AIDA: variants seen among roughly 807,000 people sequenced by gnomAD.
AIDA encodes the protein axin interactor, dorsalization-associated protein.
AIDA carries 18 observed loss-of-function variants against 42.7 expected under a neutral mutation model. That is an observed-to-expected ratio of 0.42 (90% confidence interval 0.29 to 0.63). The LOEUF is 0.63. Among genes scored for constraint, AIDA ranks in the 20% least tolerant of loss-of-function variants. The pLI is 0.19. For missense variants in AIDA, 250 were observed against 354.1 expected (o/e 0.71, Z 2.36); for synonymous variants, 104 against 122.9 (o/e 0.85, Z 1.02).
chr1:222,708,197 G>A (rs377420503), intron 1 of AIDA, among the ~76,000 whole-genome samples: 1 of 151,732 alleles, frequency 6.6e-6, no homozygotes, highest in East Asian at 2.0e-4. Flanking sequence ...TGTAGTCCCA[G>A]CTACTCAGGA....
At chr1:222,697,868 G>T (rs746157852) in intron 2 of AIDA, among the ~76,000 whole-genome samples, 21 of 152,214 alleles carry the variant, frequency 1.4e-4, no homozygotes, top group Non-Finnish European at 2.5e-4. Flanking sequence ...AGGGGGAAGA[G>T]ATGAGGGTAA....
chr1:222,680,482 A>G (rs1664634289), intron 6 of AIDA, among the ~76,000 whole-genome samples: 1 of 152,228 alleles, frequency 6.6e-6, no homozygotes, highest in Admixed American at 6.5e-5. Flanking sequence ...CTAAGCATAG[A>G]GACAATTCTC....
intron 6 of AIDA, among the ~76,000 whole-genome samples, chr1:222,676,825 T>C (rs1571924815): frequency 6.6e-6 from 1 of 151,596 alleles, no homozygotes; most frequent in African/African-American, 2.4e-5. Flanking sequence ...ACTATTGATA[T>C]AGGAAATAAT....
At chr1:222,694,076 A>C (rs1057108676) in intron 3 of AIDA, 134 bp downstream of exon 3, 4 of 894,768 alleles carry the variant, frequency 4.5e-6, no homozygotes, top group Non-Finnish European at 6.8e-6. Flanking sequence ...GAACTAAAAA[A>C]GTATGAATTT....
At chr1:222,708,988 C>T (rs1411961530) in intron 1 of AIDA, among the ~76,000 whole-genome samples, 1 of 152,096 alleles carries the variant, frequency 6.6e-6, no homozygotes, top group African/African-American at 2.4e-5. Context: ...GTGTGGATAG[C>T]CTAGTACTAC....
rs1655442753 is a variant in AIDA at position 222,693,844 on chromosome 1, C to T, written c.235-1G>A. 6.2e-7 allele frequency: 1 copy of T among 1,605,810 alleles called. No individual in the cohort carries two copies. Among genetic ancestry groups the T allele is most frequent in the Admixed American group, 1.7e-5 (1 of 59,906 alleles). On this transcript the variant is annotated splice_acceptor_variant, in intron 3 of 9. Coordinates refer to ENST00000340020, the MANE Select transcript of AIDA (RefSeq NM_022831.4). LOFTEE classifies it high-confidence loss of function. ...TAAATTCTTCTTGAGACTGTGTGGA[C>T]TAAATTTAAAATAAGCATATTACAT...
chr1:222,675,981 A>G, intron 7 of AIDA, 115 bp downstream of exon 7: 1 of 1,202,378 alleles, frequency 8.3e-7, no homozygotes, highest in Non-Finnish European at 1.1e-6. Context: ...ATGAACTAAA[A>G]TGAGTTGTCA....
At chr1:222,700,717 T>C (rs1186927515) in intron 2 of AIDA, among the ~76,000 whole-genome samples, 3 of 147,036 alleles carry the variant, frequency 2.0e-5, no homozygotes, top group Non-Finnish European at 4.5e-5. Context: ...ATAGCGCCAC[T>C]GCACTCCGGC....
chr1:222,711,905 T>A, intron 1 of AIDA: 2 of 277,742 alleles, frequency 7.2e-6, no homozygotes, highest in Non-Finnish European at 1.4e-5. Context: ...CGCGAGACGG[T>A]GGAAAGGAAC....
Position 222,697,431 on chromosome 1 carries a change from G to A in AIDA, c.181-3168C>T, listed in dbSNP as rs1192885649. 6.0e-5 allele frequency among the ~76,000 whole-genome samples: 9 copies of A among 149,642 alleles called. No homozygotes were observed. In the East Asian group the frequency reaches 1.8e-3, roughly 29 times the overall value. ...ATATCAAAATCAAGCGCTTGCTACT[G>A]TAATTGTTTCACTTTTCTTAGAAAC... On this transcript the variant is annotated intron_variant, in intron 2 of 9. Transcript: ENST00000340020.
intron 1 of AIDA, among the ~76,000 whole-genome samples, chr1:222,710,248 C>T (rs1655960109): frequency 6.6e-6 from 1 of 152,152 alleles, no homozygotes. Context: ...AGAATTTAAG[C>T]CAATCATTAC....
In AIDA at chr1:222,676,941, A is replaced by C. The variant is rs570251400; in HGVS notation, c.461-723T>G. On this transcript the variant is annotated intron_variant, in intron 6 of 9. Coordinates refer to ENST00000340020, the MANE Select transcript of AIDA (RefSeq NM_022831.4). ...AAAAAACCACAAAAAAAAACAAACA[A>C]AAAAAAACCCATCCGTTGAAATTGC... Among the ~76,000 whole-genome samples, 279 of 152,082 alleles carry C rather than the reference A, an allele frequency of 1.8e-3. 2 individuals are homozygous for C. The highest frequency in any genetic ancestry group is 2.9e-3 in the Admixed American group (45 of 15,274).
intron 2 of AIDA, among the ~76,000 whole-genome samples, chr1:222,696,948 TG>T (rs944429143): frequency 6.6e-6 from 1 of 152,068 alleles, no homozygotes; most frequent in African/African-American, 2.4e-5. Context: ...TGTTTGTTTT[TG>T]TTTTTTTTTA....
chr1:222,708,616 C>T (rs748416021), intron 1 of AIDA, among the ~76,000 whole-genome samples: 1 of 151,920 alleles, frequency 6.6e-6, no homozygotes, highest in Non-Finnish European at 1.5e-5. Flanking sequence ...GTGATCTGCC[C>T]GCCTCAGCTT....
chr1:222,712,025 G>A (rs1041949539), intron 1 of AIDA, 183 bp downstream of exon 1: 5 of 805,294 alleles, frequency 6.2e-6, no homozygotes, highest in Admixed American at 3.0e-5. Flanking sequence ...CCCAGAGAGC[G>A]GAGCCGTTGT....
intron 6 of AIDA, among the ~76,000 whole-genome samples, chr1:222,679,952 A>C (rs1314620841): frequency 6.6e-6 from 1 of 152,214 alleles, no homozygotes; most frequent in East Asian, 1.9e-4. Flanking sequence ...TGTCTAAATC[A>C]AGATTTCTCA....
intron 1 of AIDA, among the ~76,000 whole-genome samples, chr1:222,711,100 T>A (rs868778434): frequency 2.1e-4 from 8 of 38,002 alleles, no homozygotes; most frequent in East Asian, 1.9e-3. Flanking sequence ...GGATGGGGGG[T>A]GGGGGAGGCC....
At chr1:222,704,714 A>G (rs1408113561) in intron 1 of AIDA, among the ~76,000 whole-genome samples, 2 of 152,158 alleles carry the variant, frequency 1.3e-5, no homozygotes, top group African/African-American at 4.8e-5. Context: ...AATGTTCAGG[A>G]ATTAGACAGT....
At chr1:222,681,993 C>G (rs3002129) in intron 6 of AIDA, among the ~76,000 whole-genome samples, 35,896 of 152,096 alleles carry the variant, frequency 0.24, 4,549 homozygotes, top group Admixed American at 0.35. Context: ...TTGACTAGTT[C>G]TGTGTGTGGC....
Sources: allele counts gnomAD v4.1 joint callset (sites outside exome capture counted in the v4.1 genomes callset), GRCh38; gene constraint gnomAD v4.1.1; transcripts MANE v1.5; gene names NCBI Gene and HGNC (gene_info 2026-07-23, HGNC 2026-07-21).